ADAMTS6: variants seen among roughly 807,000 people sequenced by gnomAD.
The protein encoded by ADAMTS6 is ADAM metallopeptidase with thrombospondin type 1 motif 6, also known as A disintegrin and metalloproteinase with thrombospondin motifs 6.
A neutral mutation model predicts 144.3 loss-of-function variants in ADAMTS6; 23 were observed. The ratio of observed to expected loss-of-function variants is 0.16; its 90% CI spans 0.11 to 0.23. The LOEUF (loss-of-function observed/expected upper bound fraction) is 0.23. ADAMTS6 is among the 10% of genes least tolerant of loss of function. The probability of loss-of-function intolerance (pLI) is 1.00; values close to 1 mark genes in which losing one functional copy is unlikely to be tolerated. For missense variants in ADAMTS6, 999 were observed against 1,379.6 expected, an observed-to-expected ratio of 0.72 and a Z score of 4.37; for synonymous variants, 444 against 457.5, an observed-to-expected ratio of 0.97 and a Z score of 0.38.
intron 1 of ADAMTS6, among the ~76,000 whole-genome samples, chr5:65,478,972 C>G (rs528232608): frequency 2.0e-5 from 3 of 152,268 alleles, no homozygotes; most frequent in African/African-American, 7.2e-5. Flanking sequence ...TATTACTTGT[C>G]TTTTTTCCTC....
chr5:65,411,213 C>A (rs10069691), intron 7 of ADAMTS6, among the ~76,000 whole-genome samples: 92,347 of 151,892 alleles, frequency 0.61, 29,916 homozygotes, highest in African/African-American at 0.84. Context: ...ATCCATCGGT[C>A]AACAGTGAGT....
chr5:65,241,195 CA>C (rs568001722), intron 15 of ADAMTS6, among the ~76,000 whole-genome samples: 24 of 145,542 alleles, frequency 1.6e-4, no homozygotes, highest in African/African-American at 6.1e-4. Context: ...GAAAAGCAAG[CA>C]AACAGTAAAC....
intron 7 of ADAMTS6, among the ~76,000 whole-genome samples, chr5:65,375,124 G>A (rs1411514511): frequency 1.3e-5 from 2 of 152,146 alleles, no homozygotes; most frequent in Non-Finnish European, 2.9e-5. Context: ...ATGGATTAAA[G>A]ATTTAAACGT....
chr5:65,285,774 G>C (rs754615177), intron 11 of ADAMTS6, among the ~76,000 whole-genome samples: 25 of 152,152 alleles, frequency 1.6e-4, no homozygotes, highest in Non-Finnish European at 2.8e-4. Context: ...ATTAAGTAAT[G>C]TTGTTAGAAA....
chr5:65,263,246 G>A (rs1029430112), intron 12 of ADAMTS6, among the ~76,000 whole-genome samples: 1 of 151,982 alleles, frequency 6.6e-6, no homozygotes, highest in Admixed American at 6.6e-5. Context: ...TTGACTTTTA[G>A]TGTTTCTCAT....
At position 65,300,010 on chromosome 5, in the gene ADAMTS6, G is replaced by A; in HGVS notation, c.1345C>T (p.Arg449Ter). Residue 449 changes from arginine (R) to a stop codon, truncating the protein, a stop_gained, in exon 10 of 25, where the codon CGA becomes TGA. Transcript: ENST00000381055. LOFTEE classifies it high-confidence loss of function. ...TCTAGAAAGCTGGTGATGTAGTCTC[G>A]ACTGCAAGCAGACCAGGAAAAAGGA... Reference protein sequence around the residue: ...TNPFSWSACSRDYITSFLDSG... With the variant: ...TNPFSWSACS 1 of 1,613,812 alleles carries A rather than the reference G, an allele frequency of 6.2e-7. No homozygotes were observed. The highest frequency in any genetic ancestry group is 8.5e-7 in the Non-Finnish European group (1 of 1,179,928).
chr5:65,420,356 G>A (rs570349143), intron 7 of ADAMTS6, among the ~76,000 whole-genome samples: 1 of 152,058 alleles, frequency 6.6e-6, no homozygotes, highest in South Asian at 2.1e-4. Flanking sequence ...ACTTTTGAAA[G>A]GTGAATTTTA....
chr5:65,420,416 T>C (rs920806910), intron 7 of ADAMTS6, among the ~76,000 whole-genome samples: 6 of 152,300 alleles, frequency 3.9e-5, no homozygotes, highest in African/African-American at 1.4e-4. Context: ...AGTTTCACTC[T>C]TGTTGTCCAG....
At chr5:65,463,141 TAA>T (rs1463339318) in intron 3 of ADAMTS6, among the ~76,000 whole-genome samples, 1 of 150,128 alleles carries the variant, frequency 6.7e-6, no homozygotes, top group East Asian at 1.9e-4. Context: ...TGATAAACAT[TAA>T]GAGGGGAGAT....
chr5:65,465,062 A>G (rs982331701), intron 3 of ADAMTS6, among the ~76,000 whole-genome samples: 3 of 152,228 alleles, frequency 2.0e-5, no homozygotes, highest in African/African-American at 7.2e-5. Context: ...AGCTGCATTT[A>G]GCCAGAGAAA....
intron 7 of ADAMTS6, among the ~76,000 whole-genome samples, chr5:65,348,740 G>C (rs991602840): frequency 5.9e-5 from 9 of 151,418 alleles, no homozygotes; most frequent in African/African-American, 2.2e-4. Flanking sequence ...ACATATATCA[G>C]AACATAACAT....
chr5:65,258,498 G>A (rs1303398121), intron 14 of ADAMTS6, among the ~76,000 whole-genome samples: 3 of 152,160 alleles, frequency 2.0e-5, no homozygotes, highest in Non-Finnish European at 4.4e-5. Context: ...AGCCATTGAG[G>A]GGTTTTGAGT....
At chr5:65,329,706 T>C (rs1746529605) in intron 8 of ADAMTS6, among the ~76,000 whole-genome samples, 1 of 152,146 alleles carries the variant, frequency 6.6e-6, no homozygotes, top group African/African-American at 2.4e-5. Flanking sequence ...GGAAAATGTC[T>C]AGACTAGGGG....
chr5:65,430,820 T>A (rs765112221), intron 7 of ADAMTS6, among the ~76,000 whole-genome samples: 107 of 152,214 alleles, frequency 7.0e-4, no homozygotes, highest in Non-Finnish European at 9.8e-4. Flanking sequence ...ATGCCATTGT[T>A]ATTCTTTGTT....
chr5:65,159,377 C>T (rs1021126197), intron 24 of ADAMTS6, among the ~76,000 whole-genome samples: 4 of 152,162 alleles, frequency 2.6e-5, no homozygotes, highest in African/African-American at 4.8e-5. Context: ...CTTCCTTCCA[C>T]TACATGTGGA....
At chr5:65,392,598 G>A (rs1017752904) in intron 7 of ADAMTS6, among the ~76,000 whole-genome samples, 3 of 152,096 alleles carry the variant, frequency 2.0e-5, no homozygotes, top group Non-Finnish European at 4.4e-5. Flanking sequence ...CTGTGTTCTT[G>A]TTATATGACC....
In ADAMTS6 at chr5:65,187,963, A is replaced by C. The variant is rs1014975031; in HGVS notation, c.2910+53T>G. 5.1e-6 allele frequency: 8 copies of C among 1,576,932 alleles called. No individual in the cohort carries two copies. The African/African-American group carries it at 8.1e-5, about 16-fold the overall frequency. Reference sequence around the variant, plus strand: ...TGTCCTTAATATTAACTGCTTTAGGATAGATAGTTAGGACATTTCAAAACA... The same window carrying C: ...TGTCCTTAATATTAACTGCTTTAGGCTAGATAGTTAGGACATTTCAAAACA... On this transcript the variant is annotated intron_variant, in intron 22 of 24. Transcript: ENST00000381055.
chr5:65,476,067 C>A (rs886483434), intron 1 of ADAMTS6, among the ~76,000 whole-genome samples: 4 of 152,126 alleles, frequency 2.6e-5, no homozygotes, highest in Non-Finnish European at 5.9e-5. Context: ...CTGCTAGCCA[C>A]ATCTTTCCCT....
At chr5:65,452,462 TAA>T (rs397976555) in intron 5 of ADAMTS6, among the ~76,000 whole-genome samples, 3 of 137,616 alleles carry the variant, frequency 2.2e-5, no homozygotes, top group Non-Finnish European at 3.1e-5. Flanking sequence ...TGTTTCAAGT[TAA>T]AAAAAAAAAA....
Sources: gnomAD v4.1 joint callset for allele counts (sites outside exome capture counted in the v4.1 genomes callset) on GRCh38, gnomAD v4.1.1 for gene constraint, MANE v1.5 for transcripts, NCBI Gene and HGNC (gene_info 2026-07-23, HGNC 2026-07-21) for gene names.